KIAA0825: variants seen among roughly 807,000 people sequenced by gnomAD.
The protein encoded by KIAA0825 is KIAA0825.
A neutral mutation model predicts 147.6 loss-of-function variants in KIAA0825; 119 were observed. The observed-to-expected ratio is 0.81, with a 90% CI of 0.69 to 0.94. KIAA0825 has a LOEUF of 0.94. KIAA0825 is among the 40% of genes least tolerant of loss of function. The probability of loss-of-function intolerance (pLI) is 0.00; values close to 1 mark genes in which losing one functional copy is unlikely to be tolerated. For missense variants in KIAA0825, 1,381 were observed against 1,472.7 expected (o/e 0.94, Z 1.02); for synonymous variants, 470 against 518.1 (o/e 0.91, Z 1.26).
chr5:94,430,893 A>G (rs1312111894), intron 14 of KIAA0825, among the ~76,000 whole-genome samples: 1 of 152,204 alleles, frequency 6.6e-6, no homozygotes, highest in Non-Finnish European at 1.5e-5. Context: ...AAGGAGTCCT[A>G]AATATATAGA....
chr5:94,361,025 G>T (rs1338048472), intron 20 of KIAA0825, among the ~76,000 whole-genome samples: 1 of 152,150 alleles, frequency 6.6e-6, no homozygotes. Flanking sequence ...GCAGAGACTA[G>T]GGTGGAAATC....
Position 94,186,113 on chromosome 5 carries a change from T to C in KIAA0825, c.3711-31989A>G, listed in dbSNP as rs1005409706. 2.0e-5 allele frequency among the ~76,000 whole-genome samples: 3 copies of C among 152,184 alleles called. No individual in the cohort carries two copies. In the South Asian group the frequency reaches 6.2e-4, roughly 31 times the overall value. ...TACTATACAACCAAACACATTAATA[T>C]ATCTGCAGCAAAACATATAAACATT... On this transcript the variant is annotated intron_variant, in intron 20 of 20. Coordinates refer to ENST00000682413, the MANE Select transcript of KIAA0825 (RefSeq NM_001145678.3).
intron 2 of KIAA0825, among the ~76,000 whole-genome samples, chr5:94,580,431 C>A (rs1276580008): frequency 6.6e-6 from 1 of 152,118 alleles, no homozygotes; most frequent in Non-Finnish European, 1.5e-5. Context: ...GCAATACAGA[C>A]CTGCCCTGTA....
intron 20 of KIAA0825, among the ~76,000 whole-genome samples, chr5:94,165,748 G>A (rs2149932360): frequency 6.6e-6 from 1 of 152,218 alleles, no homozygotes; most frequent in African/African-American, 2.4e-5. Flanking sequence ...AATAAGCCAG[G>A]CACGGAAAGA....
chr5:94,205,363 G>A lies in KIAA0825; in HGVS notation c.3711-51239C>T, dbSNP rs184079594. ...GTCACCCAGGATGGAGTGTTGTGGCGTGATCTCGGCTCACTGCAACCTCCG... is the reference window on the plus strand; with the variant it reads ...GTCACCCAGGATGGAGTGTTGTGGCATGATCTCGGCTCACTGCAACCTCCG... On this transcript the variant is annotated intron_variant, in intron 20 of 20. Transcript: ENST00000682413. 9.6e-3 allele frequency among the ~76,000 whole-genome samples: 1,430 copies of A among 148,748 alleles called. 26 individuals are homozygous for A. The highest frequency in any genetic ancestry group is 0.033 in the African/African-American group (1,347 of 40,364).
At chr5:94,466,872 G>A (rs1007099153) in intron 10 of KIAA0825, among the ~76,000 whole-genome samples, 2 of 151,632 alleles carry the variant, frequency 1.3e-5, no homozygotes, top group Non-Finnish European at 2.9e-5. Context: ...GAGTTTTAAC[G>A]CTTGGTTCTC....
At chr5:94,455,890 T>C (rs1407552155) in intron 12 of KIAA0825, among the ~76,000 whole-genome samples, 4 of 151,992 alleles carry the variant, frequency 2.6e-5, no homozygotes, top group Admixed American at 6.6e-5. Context: ...AAGAGTGGAA[T>C]TGCCAAAAGG....
intron 15 of KIAA0825, chr5:94,414,528 T>G (rs1420158473): frequency 6.6e-6 from 1 of 152,250 alleles, no homozygotes; most frequent in African/African-American, 2.4e-5. Flanking sequence ...GTGGGTATTT[T>G]CCTTCTTGTC....
chr5:94,564,992 T>TCCTCTCTCTCTCTCTC (rs1371317419), intron 2 of KIAA0825, among the ~76,000 whole-genome samples: 9 of 135,124 alleles, frequency 6.7e-5, no homozygotes, highest in Non-Finnish European at 1.4e-4. Context: ...TCTTCTCTTC[T>TCCTCTCTCTCTCTCTC]CCTCTCTCTC....
At chr5:94,581,588 C>T (rs952264700) in intron 2 of KIAA0825, among the ~76,000 whole-genome samples, 3 of 152,160 alleles carry the variant, frequency 2.0e-5, no homozygotes, top group African/African-American at 4.8e-5. Context: ...AATGTGAAAT[C>T]GTGATAGCAT....
Position 94,261,272 on chromosome 5 carries a change from T to C in KIAA0825, c.3711-107148A>G, listed in dbSNP as rs1262898179. ...GAGTCAAGATTGCACCATTGCACTCTAGAGCCAGGGTGATGGAGTGAGAGT... is the reference window on the plus strand; with the variant it reads ...GAGTCAAGATTGCACCATTGCACTCCAGAGCCAGGGTGATGGAGTGAGAGT... On this transcript the variant is annotated intron_variant, in intron 20 of 20. Transcript: ENST00000682413. Among the ~76,000 whole-genome samples, 4 of 152,204 alleles carry C rather than the reference T, an allele frequency of 2.6e-5. No individual in the cohort carries two copies. In the East Asian group the frequency reaches 7.7e-4, roughly 29 times the overall value.
At chr5:94,438,976 C>T (rs1173106535) in intron 14 of KIAA0825, among the ~76,000 whole-genome samples, 4 of 152,080 alleles carry the variant, frequency 2.6e-5, no homozygotes, top group South Asian at 2.1e-4. Flanking sequence ...TTCAAAGCTC[C>T]GAAACATCAG....
intron 20 of KIAA0825, among the ~76,000 whole-genome samples, chr5:94,300,827 T>G: frequency 6.6e-6 from 1 of 152,140 alleles, no homozygotes; most frequent in East Asian, 1.9e-4. Flanking sequence ...AATTGACAGG[T>G]AGCCCATTTT....
At chr5:94,314,804 C>G (rs1040221047) in intron 20 of KIAA0825, among the ~76,000 whole-genome samples, 2 of 151,568 alleles carry the variant, frequency 1.3e-5, no homozygotes, top group Non-Finnish European at 3.0e-5. Context: ...ATTCCTCCCC[C>G]AAAAGGCCGG....
intron 20 of KIAA0825, among the ~76,000 whole-genome samples, chr5:94,302,404 G>C (rs549264521): frequency 6.6e-6 from 1 of 152,046 alleles, no homozygotes; most frequent in African/African-American, 2.4e-5. Flanking sequence ...ATGATGACCT[G>C]TTCCAGGGTG....
chr5:94,527,778 T>C (rs1400499020), intron 3 of KIAA0825, among the ~76,000 whole-genome samples: 2 of 152,114 alleles, frequency 1.3e-5, no homozygotes, highest in South Asian at 2.1e-4. Context: ...TGTGAGGTAA[T>C]AGATTTTCTA....
At chr5:94,453,692 A>G (rs959088779) in intron 12 of KIAA0825, among the ~76,000 whole-genome samples, 5 of 152,164 alleles carry the variant, frequency 3.3e-5, no homozygotes, top group African/African-American at 4.8e-5. Flanking sequence ...CAATACTATT[A>G]TCATTTAATT....
intron 7 of KIAA0825, 75 bp downstream of exon 7, chr5:94,477,036 T>C: frequency 3.8e-6 from 4 of 1,064,860 alleles, no homozygotes; most frequent in Non-Finnish European, 5.5e-6. Context: ...CAAGACATCT[T>C]GATTCATAAT....
intron 20 of KIAA0825, among the ~76,000 whole-genome samples, chr5:94,345,875 G>C (rs933640147): frequency 3.3e-5 from 5 of 152,032 alleles, no homozygotes; most frequent in African/African-American, 9.7e-5. Context: ...ACCTCTAAGG[G>C]GGTCCACATG....
Sources: gnomAD v4.1 joint callset for allele counts (sites outside exome capture counted in the v4.1 genomes callset) on GRCh38, gnomAD v4.1.1 for gene constraint, MANE v1.5 for transcripts, NCBI Gene and HGNC (gene_info 2026-07-23, HGNC 2026-07-21) for gene names.